Variants in ZBTB1 observed in about 807,000 individuals in gnomAD.
The protein encoded by ZBTB1 is zinc finger and BTB domain containing 1, also known as zinc finger and BTB domain-containing protein 1.
A neutral mutation model predicts 51.6 loss-of-function variants in ZBTB1; 13 were observed. The observed-to-expected ratio is 0.25, with a 90% CI of 0.16 to 0.40. The LOEUF is 0.40. Among genes scored for constraint, ZBTB1 ranks in the 10% least tolerant of loss-of-function variants. The probability of loss-of-function intolerance (pLI) is 1.00; values close to 1 mark genes in which losing one functional copy is unlikely to be tolerated. For synonymous variants in ZBTB1, 240 were observed against 282.2 expected (o/e 0.85, Z 1.50); for missense variants, 567 against 856.5 (o/e 0.66, Z 4.22).
rs369265245 is a variant in ZBTB1 at position 64,522,790 on chromosome 14, C to T, written c.1286C>T (p.Thr429Ile). Residue 429 changes from threonine (T) to isoleucine (I), a missense_variant, in exon 2 of 2, where the codon ACA becomes ATA. Around this residue, in one of 5 missense-constraint regions of ZBTB1, gnomAD observed 329 missense variants for 406.3 expected, o/e 0.81. Transcript: ENST00000683701. ...ENASCELCGLTITEEDLSSHY... is the reference protein window; with the variant it reads ...ENASCELCGLIITEEDLSSHY... The stretch of plus-strand genomic sequence containing the variant: ...GCATCTTGTGAGCTGTGTGGACTTA[C>T]AATAACCGAGGAGGACCTGTCATCT... The T allele has an allele frequency of 1.9e-6, 3 of 1,614,042 alleles. No homozygotes were observed. The highest frequency in any genetic ancestry group is 1.7e-5 in the Admixed American group (1 of 59,990).
intron 1 of ZBTB1, among the ~76,000 whole-genome samples, chr14:64,506,118 G>C (rs1485874627): frequency 6.6e-6 from 1 of 152,196 alleles, no homozygotes; most frequent in African/African-American, 2.4e-5. Context: ...AATGATGGCT[G>C]GCCAACATTT....
At chr14:64,506,542 A>G (rs2079659728) in intron 1 of ZBTB1, among the ~76,000 whole-genome samples, 1 of 152,186 alleles carries the variant, frequency 6.6e-6, no homozygotes, top group Non-Finnish European at 1.5e-5. Context: ...TCAAAAAAAC[A>G]AACAACAACA....
chr14:64,518,296 A>G (rs534638352), intron 1 of ZBTB1: 2 of 152,234 alleles, frequency 1.3e-5, no homozygotes, highest in Non-Finnish European at 2.9e-5. Context: ...CATACTGAAC[A>G]TGATTCCTCA....
rs962905281 is a variant in ZBTB1, at chr14:64,533,522, G to A, written c.*1625G>A. On this transcript the variant is annotated 3_prime_UTR_variant, in exon 3 of 3. Transcript: ENST00000358738. ...AATTTTGACTGTACTAACTATAAATGTAATGAATTATAATAATTATAAATG... is the reference window on the plus strand; with the variant it reads ...AATTTTGACTGTACTAACTATAAATATAATGAATTATAATAATTATAAATG... The A allele has an allele frequency of 4.6e-5, 7 of 152,488 alleles. 1 individual carries two copies. The highest frequency in any genetic ancestry group is 3.9e-4 in the Admixed American group (6 of 15,262). 9.4% of individuals were successfully genotyped at this position (152,488 alleles called of 1,614,324 possible).
At position 64,517,756 on chromosome 14, in the gene ZBTB1, A is replaced by AATATATATATATATATATAT. The variant is rs71444661; in HGVS notation, c.-18-3724_-18-3705dup. 1.2e-4 allele frequency among the ~76,000 whole-genome samples: 7 copies of AATATATATATATATATATAT among 60,724 alleles called. No homozygotes were observed. The East Asian group carries it at 1.4e-3, about 12-fold the overall frequency. The allele number at this position is 60,724 out of a possible 152,430, so 39.8% of individuals were successfully genotyped here. A position where few individuals can be genotyped will look rare whatever the true frequency, so the allele number is the denominator to read the frequency against. ...CCCACTTCTGTAGTTGCCATTTAGA[A>AATATATATATATATATATAT]ATATATATATATATATATATATATA... is the stretch of plus-strand genomic sequence containing the variant. On this transcript the variant is annotated intron_variant, in intron 1 of 1. Coordinates refer to ENST00000683701, the MANE Select transcript of ZBTB1 (RefSeq NM_001123329.2).
chr14:64,513,122 ATACC>A lies in ZBTB1; in HGVS notation c.-19+8179_-19+8182del, dbSNP rs1002159610. ...TATATGCATACATACACATAAAATGATACCTATATATGGATACATACACAGATAT... is the reference window on the plus strand; with the variant it reads ...TATATGCATACATACACATAAAATGATATATATGGATACATACACAGATAT... On this transcript the variant is annotated intron_variant, in intron 1 of 1. Transcript: ENST00000683701. Among the ~76,000 whole-genome samples the A allele has an allele frequency of 2.6e-5, 4 of 152,320 alleles. No individual in the cohort carries two copies. The South Asian group carries it at 6.2e-4, about 24-fold the overall frequency.
At position 64,515,049 on chromosome 14, in the gene ZBTB1, G is replaced by A. The variant is rs140783570; in HGVS notation, c.-18-6438G>A. On this transcript the variant is annotated intron_variant, in intron 1 of 1. Transcript: ENST00000683701. ...ACTGTTTTTAAACTTGAGATGAGCC[G>A]TTAAACTTTTTCAGACTAAAATTTT... Among the ~76,000 whole-genome samples, 92 of 152,264 alleles carry A rather than the reference G, an allele frequency of 6.0e-4. 1 individual carries two copies. Among genetic ancestry groups the A allele is most frequent in the African/African-American group, 2.1e-3 (88 of 41,550 alleles).
Position 64,522,697 on chromosome 14 carries a change from A to G in ZBTB1, c.1193A>G (p.Glu398Gly). 3 of 1,614,204 alleles carry G rather than the reference A, an allele frequency of 1.9e-6. No individual in the cohort carries two copies. Among genetic ancestry groups the G allele is most frequent in the Non-Finnish European group, 2.5e-6 (3 of 1,180,012 alleles). The change falls in exon 2 of 2, where the codon GAA becomes GGA. Residue 398 changes from glutamate to glycine, a missense_variant. Physicochemically the swap from Glu to Gly is moderately conservative, Grantham distance 98. Around this residue, in one of 5 missense-constraint regions of ZBTB1, gnomAD observed 329 missense variants for 406.3 expected, o/e 0.81. Transcript: ENST00000683701. ...LKPRMSVSAD[E>G]RGGLENMRPP... is the part of the protein sequence containing the mutation. ...CCTCGAATGTCAGTAAGTGCTGATG[A>G]AAGAGGTGGTTTAGAGAATATGAGG...
chr14:64,521,398 G>A lies in ZBTB1; in HGVS notation c.-18-89G>A, dbSNP rs538462223. The A allele has an allele frequency of 7.9e-6, 7 of 887,232 alleles. 1 individual carries two copies. Among genetic ancestry groups the A allele is most frequent in the East Asian group, 5.6e-5 (2 of 35,680 alleles). 55.0% of individuals were successfully genotyped at this position (887,232 alleles called of 1,614,324 possible). A position where few individuals can be genotyped will look rare whatever the true frequency, so the allele number is the denominator to read the frequency against. On this transcript the variant is annotated intron_variant, in intron 1 of 1. Transcript: ENST00000683701. ...TCTTAATTTCTTGATTGTAATAGCA[G>A]TCATGCAAGTCACAAATCATGATAA...
At chr14:64,519,609 TA>T (rs560056405) in intron 1 of ZBTB1, among the ~76,000 whole-genome samples, 87 of 133,838 alleles carry the variant, frequency 6.5e-4, no homozygotes, top group Admixed American at 6.7e-4. Context: ...ACTAAAATAT[TA>T]AAAAAAAAAA....
At position 64,523,416 on chromosome 14, in the gene ZBTB1, A is replaced by G. The variant is rs1319091226; in HGVS notation, c.1912A>G (p.Ile638Val). Residue 638 changes from isoleucine to valine, a missense_variant, in exon 2 of 2, where the codon ATT becomes GTT. By Grantham distance (29) the Ile-to-Val change is conservative. Coordinates refer to ENST00000683701, the MANE Select transcript of ZBTB1 (RefSeq NM_001123329.2). The surrounding 1 kb of genome is among the most constrained non-coding windows in gnomAD (Gnocchi z 4.5). ...AGGCATGGCCAGGTATGTCTGTTCC[A>G]TTTGTGATCAAGGAAACTTCAGAAA... Reference protein sequence around the residue: ...HKGMARYVCSICDQGNFRKHD... With the variant: ...HKGMARYVCSVCDQGNFRKHD... 6.2e-7 allele frequency: 1 copy of G among 1,614,216 alleles called. No individual in the cohort carries two copies. The highest frequency in any genetic ancestry group is 1.1e-5 in the South Asian group (1 of 91,090).
At chr14:64,512,414 C>T (rs1169378508) in intron 1 of ZBTB1, among the ~76,000 whole-genome samples, 1 of 152,222 alleles carries the variant, frequency 6.6e-6, no homozygotes, top group African/African-American at 2.4e-5. Context: ...GGCTTCAGTA[C>T]AGTAGGCATT....
chr14:64,504,102 G>A (rs2079592506), upstream of ZBTB1: 2 of 152,396 alleles, frequency 1.3e-5, no homozygotes, highest in South Asian at 4.1e-4. Flanking sequence ...GTGGGGGTGG[G>A]GAAGGATGCG....
chr14:64,504,086 G>A (rs1283845470), upstream of ZBTB1: 2 of 152,468 alleles, frequency 1.3e-5, no homozygotes, highest in Non-Finnish European at 2.9e-5. Flanking sequence ...CAGTTCTGGG[G>A]TGAAGGTGGG....
exon 3 of ZBTB1, chr14:64,531,976 G>C (rs1451005663): frequency 6.6e-7 from 1 of 1,523,218 alleles, no homozygotes; most frequent in Admixed American, 2.0e-5. Context: ...AGGAATATCA[G>C]ATCTGAAGTG....
chr14:64,532,845 CTTTG>C (rs1485040129), exon 3 of ZBTB1: 2 of 151,622 alleles, frequency 1.3e-5, no homozygotes, highest in African/African-American at 4.8e-5. Context: ...GCTATAAATG[CTTTG>C]TTTGATATAT....
rs1019188028 is a variant in ZBTB1 at position 64,523,805 on chromosome 14, C to T, written c.*159C>T. 4 of 1,326,696 alleles carry T rather than the reference C, an allele frequency of 3.0e-6. No homozygotes were observed. Among genetic ancestry groups the T allele is most frequent in the Middle Eastern group, 2.8e-4 (1 of 3,542 alleles). The allele number at this position is 1,326,696 out of a possible 1,614,324, so 82.2% of individuals were successfully genotyped here. A position where few individuals can be genotyped will look rare whatever the true frequency, so the allele number is the denominator to read the frequency against. ...TTTTGTTTAGGATTTTAAGTATCTA[C>T]ATTTAGGTATTAAATGTTTATCATT... On this transcript the variant is annotated 3_prime_UTR_variant, in exon 2 of 2. Transcript: ENST00000683701. The surrounding 1 kb of genome is among the most constrained non-coding windows in gnomAD (Gnocchi z 4.5).
Position 64,521,551 on chromosome 14 carries a change from A to G in ZBTB1, c.47A>G (p.Asn16Ser), listed in dbSNP as rs1265801072. ...AGCTATGTCCTTCAGCAGCTAAACA[A>G]CCAAAGAGAATGGGGTTTTCTCTGT... ...HSSYVLQQLN[N>S]QREWGFLCDC... is the part of the protein sequence containing the mutation. The change falls in exon 2 of 2, where the codon AAC becomes AGC. Residue 16 changes from asparagine to serine, a missense_variant. Transcript: ENST00000683701. 8.7e-6 allele frequency: 14 copies of G among 1,614,084 alleles called. No individual in the cohort carries two copies. Among genetic ancestry groups the G allele is most frequent in the Non-Finnish European group, 1.1e-5 (13 of 1,179,964 alleles).
At chr14:64,525,299 A>T (rs143356255), downstream of ZBTB1, among the ~76,000 whole-genome samples, 19 of 152,316 alleles carry the variant, frequency 1.2e-4, no homozygotes, top group Middle Eastern at 3.4e-3. Context: ...TAGGCAGGGG[A>T]CGGGTAGAAT....
Sources: allele counts gnomAD v4.1 joint callset (sites outside exome capture counted in the v4.1 genomes callset), GRCh38; gene constraint gnomAD v4.1.1; regional missense constraint gnomAD v4.1.1; non-coding constraint Gnocchi (gnomAD v3.1); transcripts MANE v1.5; gene names NCBI Gene and HGNC (gene_info 2026-07-23, HGNC 2026-07-21).